NCKAP5: variants seen among roughly 807,000 people sequenced by gnomAD.
NCKAP5 encodes nck-associated protein 5.
In NCKAP5, 92 loss-of-function variants were observed where a neutral mutation model predicts 167.0. The observed-to-expected ratio is 0.55, with a 90% CI of 0.47 to 0.66. NCKAP5 has a LOEUF of 0.66. Among genes scored for constraint, NCKAP5 ranks in the 30% least tolerant of loss-of-function variants. The pLI is 0.00. For missense variants in NCKAP5, 2,378 were observed against 2,315.0 expected (o/e 1.03, Z -0.56); for synonymous variants, 891 against 877.4 (o/e 1.02, Z -0.27).
At chr2:133,146,191 G>C (rs1411727009) in intron 5 of NCKAP5, among the ~76,000 whole-genome samples, 2 of 151,030 alleles carry the variant, frequency 1.3e-5, no homozygotes, top group African/African-American at 4.9e-5. Flanking sequence ...AGATAAAATG[G>C]GAGGGAACAT....
At chr2:133,674,785 C>T in the NCKAP5 span, among the ~76,000 whole-genome samples, 1 of 152,096 alleles carries the variant, frequency 6.6e-6, no homozygotes, top group Non-Finnish European at 1.5e-5. Context: ...CTGGGGTTTT[C>T]GGATCTTCCT....
Position 132,785,082 on chromosome 2 carries a change from G to T in NCKAP5, c.1729C>A (p.Leu577Ile), listed in dbSNP as rs1352439884. The T allele has an allele frequency of 9.3e-6, 15 of 1,613,954 alleles. No homozygotes were observed. Among genetic ancestry groups the T allele is most frequent in the Non-Finnish European group, 1.3e-5 (15 of 1,179,908 alleles). The change falls in exon 14 of 20, where the codon CTC (leucine) becomes ATC (isoleucine). Residue 577 changes from leucine (L) to isoleucine (I), a missense_variant. Physicochemically the swap from Leu to Ile is conservative, Grantham distance 5. Coordinates refer to ENST00000409261, the MANE Select transcript of NCKAP5 (RefSeq NM_207363.3). The stretch of plus-strand genomic sequence containing the variant: ...TTGTCATCAGTGTCTGAAAGCTGGA[G>T]GTTGAGAGCCATGCGGCCATGGCCT... Reference protein sequence around the residue: ...GQGHGRMALNLQLSDTDDNET... With the variant: ...GQGHGRMALNIQLSDTDDNET...
At chr2:132,707,422 G>A (rs1019581083) in intron 19 of NCKAP5, among the ~76,000 whole-genome samples, 3 of 152,330 alleles carry the variant, frequency 2.0e-5, no homozygotes, top group Non-Finnish European at 2.9e-5. Flanking sequence ...AACTTGAAAG[G>A]CAGTCTGGGC....
chr2:133,485,292 G>A (rs376889970), intron 3 of NCKAP5, among the ~76,000 whole-genome samples: 4 of 152,180 alleles, frequency 2.6e-5, no homozygotes, highest in South Asian at 2.1e-4. Flanking sequence ...TCCTCCCCCC[G>A]ACAGCACGCC....
chr2:133,295,845 G>A (rs1400687034), intron 4 of NCKAP5, among the ~76,000 whole-genome samples: 1 of 152,132 alleles, frequency 6.6e-6, no homozygotes, highest in African/African-American at 2.4e-5. Context: ...GTTGGTAGCT[G>A]GCACTCTGCA....
intron 19 of NCKAP5, among the ~76,000 whole-genome samples, chr2:132,683,722 C>T (rs1685566922): frequency 6.6e-6 from 1 of 152,218 alleles, no homozygotes; most frequent in African/African-American, 2.4e-5. Context: ...AGTGTCACCT[C>T]ACCTGGTCTG....
At chr2:133,586,688 A>G in the NCKAP5 span, among the ~76,000 whole-genome samples, 1 of 151,632 alleles carries the variant, frequency 6.6e-6, no homozygotes, top group African/African-American at 2.4e-5. Context: ...GATGGTTGCT[A>G]TGTTGACACA....
At position 133,160,825 on chromosome 2, in the gene NCKAP5, T is replaced by C. The variant is rs144509925; in HGVS notation, c.208-30714A>G. 5.6e-3 allele frequency among the ~76,000 whole-genome samples: 855 copies of C among 152,276 alleles called. 10 individuals are homozygous for C. The highest frequency in any genetic ancestry group is 0.02 in the African/African-American group (821 of 41,556). Reference sequence around the variant, plus strand: ...CCTTTAGAAGAAATCTAGATGATAATCTATTTCTAGGGAGAGTCTTCTACT... The same window carrying C: ...CCTTTAGAAGAAATCTAGATGATAACCTATTTCTAGGGAGAGTCTTCTACT... On this transcript the variant is annotated intron_variant, in intron 5 of 19. Coordinates refer to ENST00000409261, the MANE Select transcript of NCKAP5 (RefSeq NM_207363.3).
intron 3 of NCKAP5, among the ~76,000 whole-genome samples, chr2:133,488,494 G>A (rs1178586842): frequency 1.3e-5 from 2 of 152,076 alleles, no homozygotes; most frequent in African/African-American, 2.4e-5. Flanking sequence ...GCTCCCTAGG[G>A]CAACAAACGC....
upstream of NCKAP5, among the ~76,000 whole-genome samples, chr2:133,570,163 G>A (rs1338531863): frequency 6.6e-6 from 1 of 152,138 alleles, no homozygotes; most frequent in Non-Finnish European, 1.5e-5. Context: ...TATTGAACAC[G>A]AAAAAGAACT....
intron 3 of NCKAP5, among the ~76,000 whole-genome samples, chr2:133,474,112 A>ATATCTATCTATC (rs10668136): frequency 0.097 from 13,377 of 137,808 alleles, 641 homozygotes; most frequent in East Asian, 0.14. Context: ...AGAAAATGTG[A>ATATCTATCTATC]TATCTATCTA....
At chr2:133,286,158 G>T (rs34682960) in intron 4 of NCKAP5, among the ~76,000 whole-genome samples, 16,333 of 151,618 alleles carry the variant, frequency 0.11, 1,111 homozygotes, top group Middle Eastern at 0.2. Flanking sequence ...ACCATGCCAG[G>T]CTAATTTTTT....
intron 11 of NCKAP5, among the ~76,000 whole-genome samples, chr2:132,827,236 TA>T (rs1278781625): frequency 5.3e-5 from 8 of 152,214 alleles, no homozygotes; most frequent in Admixed American, 3.3e-4. Flanking sequence ...AAAAGAGCAT[TA>T]TTTTTTTCTT....
chr2:133,180,738 C>T lies in NCKAP5; in HGVS notation c.207+32978G>A, dbSNP rs567532711. Among the ~76,000 whole-genome samples, 4 of 152,230 alleles carry T rather than the reference C, an allele frequency of 2.6e-5. No homozygotes were observed. In the East Asian group the frequency reaches 5.8e-4, roughly 22 times the overall value. The stretch of plus-strand genomic sequence containing the variant: ...ACAAATATAAGACCTGAAACCATAA[C>T]ACTCCTAGAAGAAAATATAGGGGAA... On this transcript the variant is annotated intron_variant, in intron 5 of 19. Coordinates refer to ENST00000409261, the MANE Select transcript of NCKAP5 (RefSeq NM_207363.3).
chr2:133,260,313 C>A (rs2088837114), intron 4 of NCKAP5, among the ~76,000 whole-genome samples: 1 of 152,136 alleles, frequency 6.6e-6, no homozygotes, highest in South Asian at 2.1e-4. Context: ...TGAAAAAAGG[C>A]AGGAAAGGAG....
intron 5 of NCKAP5, among the ~76,000 whole-genome samples, chr2:133,167,316 T>A (rs890496440): frequency 3.3e-5 from 5 of 152,210 alleles, no homozygotes; most frequent in African/African-American, 9.7e-5. Flanking sequence ...ATTTAATAAC[T>A]AAGATAAATC....
chr2:133,214,220 C>T (rs575845121), intron 4 of NCKAP5, among the ~76,000 whole-genome samples: 2 of 152,198 alleles, frequency 1.3e-5, no homozygotes, highest in South Asian at 4.2e-4. Context: ...AATAGAAAAT[C>T]ATTTGCATGC....
chr2:133,657,680 T>C, the NCKAP5 span, among the ~76,000 whole-genome samples: 1 of 152,294 alleles, frequency 6.6e-6, no homozygotes, highest in South Asian at 2.1e-4. Flanking sequence ...TATATGTGAT[T>C]AAAATAAGAA....
chr2:132,914,380 A>G (rs1694696684), intron 8 of NCKAP5, among the ~76,000 whole-genome samples: 1 of 151,072 alleles, frequency 6.6e-6, no homozygotes, highest in African/African-American at 2.4e-5. Flanking sequence ...TATGATAAAA[A>G]TTTTAGAAAA....
Sources: allele counts gnomAD v4.1 joint callset (sites outside exome capture counted in the v4.1 genomes callset), GRCh38; gene constraint gnomAD v4.1.1; transcripts MANE v1.5; gene names NCBI Gene and HGNC (gene_info 2026-07-23, HGNC 2026-07-21).